UGGT2: variants seen among roughly 807,000 people sequenced by gnomAD.
The protein encoded by UGGT2 is UDP-glucose:glycoprotein glucosyltransferase 2.
In UGGT2, 180 loss-of-function variants were observed where a neutral mutation model predicts 192.1. The ratio of observed to expected loss-of-function variants is 0.94; its 90% CI spans 0.83 to 1.06. The LOEUF (loss-of-function observed/expected upper bound fraction) is 1.06. Ranked by LOEUF, UGGT2 falls within the 50% of genes least tolerant of loss-of-function variation. The pLI is 0.00. For synonymous variants in UGGT2, 580 were observed against 591.0 expected, an observed-to-expected ratio of 0.98 and a Z score of 0.27; for missense variants, 1,849 against 1,795.7, an observed-to-expected ratio of 1.03 and a Z score of -0.54.
chr13:95,986,186 T>C, intron 9 of UGGT2, 147 bp downstream of exon 9: 1 of 534,400 alleles, frequency 1.9e-6, no homozygotes, highest in Non-Finnish European at 3.2e-6. Flanking sequence ...AAAAAATATA[T>C]ATATATTGAA....
chr13:95,903,212 A>G, intron 20 of UGGT2, 152 bp from the exon 21 acceptor site: 1 of 621,472 alleles, frequency 1.6e-6, no homozygotes, highest in Non-Finnish European at 2.6e-6. Context: ...AATGTGATAT[A>G]CCACTGAAAA....
At chr13:95,979,923 C>G (rs9562006) in intron 10 of UGGT2, among the ~76,000 whole-genome samples, 53,072 of 151,994 alleles carry the variant, frequency 0.35, 9,653 homozygotes, top group Middle Eastern at 0.43. Context: ...CAGAGAAATG[C>G]AAATCAAAAC....
intron 36 of UGGT2, among the ~76,000 whole-genome samples, chr13:95,849,595 A>T (rs1032087836): frequency 4.6e-5 from 7 of 151,544 alleles, no homozygotes; most frequent in Non-Finnish European, 7.4e-5. Flanking sequence ...ATTTTTTATA[A>T]ATAACTTTCT....
chr13:95,995,292 A>G (rs553923597), intron 7 of UGGT2: 66 of 152,212 alleles, frequency 4.3e-4, no homozygotes, highest in African/African-American at 1.6e-3. Flanking sequence ...GCAATAATAG[A>G]CTGCCAATAG....
In UGGT2 at chr13:95,935,337, A is replaced by G. The variant is rs1202029515; in HGVS notation, c.1977+1587T>C. On this transcript the variant is annotated intron_variant, in intron 17 of 38. Coordinates refer to ENST00000376747, the MANE Select transcript of UGGT2 (RefSeq NM_020121.4). ...TTTTGTACCATTCTTCCATTCCCTT[A>G]AAGAGCTCTTGTAAGGCCCGTTTAG... 3.3e-5 allele frequency among the ~76,000 whole-genome samples: 5 copies of G among 152,162 alleles called. No individual in the cohort carries two copies. In the East Asian group the frequency reaches 9.6e-4, roughly 29 times the overall value.
In UGGT2 at chr13:95,854,561, A is replaced by G. The variant is rs376009574; in HGVS notation, c.4009-86T>C. The G allele has an allele frequency of 8.2e-6, 10 of 1,213,188 alleles. No individual in the cohort carries two copies. In the African/African-American group the frequency reaches 1.5e-4, roughly 19 times the overall value. The allele number at this position is 1,213,188 out of a possible 1,614,324, so 75.2% of individuals were successfully genotyped here. On this transcript the variant is annotated intron_variant, in intron 34 of 38. Transcript: ENST00000376747. Reference sequence around the variant, plus strand: ...GGGAATCTCAAATCATTATTACTCTACTACAGAAATCCAAAGAGCTGTATT... The same window carrying G: ...GGGAATCTCAAATCATTATTACTCTGCTACAGAAATCCAAAGAGCTGTATT...
intron 1 of UGGT2, 37 bp downstream of exon 1, chr13:96,053,118 C>T (rs1398238088): frequency 2.2e-5 from 32 of 1,442,212 alleles, no homozygotes; most frequent in South Asian, 2.8e-5. Flanking sequence ...GGCAGCGCGC[C>T]CACACCCGCC....
chr13:95,958,936 T>C (rs548617067), intron 12 of UGGT2, among the ~76,000 whole-genome samples: 1 of 152,296 alleles, frequency 6.6e-6, no homozygotes, highest in East Asian at 1.9e-4. Context: ...CTTATGGGCT[T>C]CTGAGACTAA....
At chr13:95,867,249 A>T in intron 30 of UGGT2, 90 bp downstream of exon 30, 1 of 1,146,598 alleles carries the variant, frequency 8.7e-7, no homozygotes, top group Non-Finnish European at 1.2e-6. Context: ...TTGTAAAGTT[A>T]ATTGTAAAAT....
At chr13:95,965,732 T>TA (rs1245315591) in intron 12 of UGGT2, among the ~76,000 whole-genome samples, 1 of 151,872 alleles carries the variant, frequency 6.6e-6, no homozygotes, top group Non-Finnish European at 1.5e-5. Context: ...CCCTAAAACT[T>TA]AAAAGTATAA....
chr13:95,901,459 C>T (rs1431331929), intron 21 of UGGT2, among the ~76,000 whole-genome samples: 3 of 152,080 alleles, frequency 2.0e-5, no homozygotes, highest in Admixed American at 1.3e-4. Context: ...AAACCACATA[C>T]ATGCTCATTG....
chr13:95,875,697 T>G (rs1891614558), intron 29 of UGGT2, among the ~76,000 whole-genome samples: 1 of 152,202 alleles, frequency 6.6e-6, no homozygotes. Flanking sequence ...ATCTCTAATG[T>G]CAATGCTGAC....
chr13:95,978,066 A>T (rs2774113), intron 10 of UGGT2, among the ~76,000 whole-genome samples: 53,105 of 151,940 alleles, frequency 0.35, 10,057 homozygotes, highest in East Asian at 0.45. Context: ...ACAAATACCT[A>T]AAGTATGCAG....
Position 95,954,354 on chromosome 13 carries a change from C to T in UGGT2, c.1336-4900G>A, listed in dbSNP as rs139432244. ...GTTAACCTGAAAAACTAGCTCAGGCCATGATGGGAAGGGGGAGTCAGACAG... is the reference window on the plus strand; with the variant it reads ...GTTAACCTGAAAAACTAGCTCAGGCTATGATGGGAAGGGGGAGTCAGACAG... On this transcript the variant is annotated intron_variant, in intron 12 of 38. Transcript: ENST00000376747. Among the ~76,000 whole-genome samples the T allele has an allele frequency of 6.9e-3, 1,044 of 152,286 alleles. 16 individuals are homozygous for T. Among genetic ancestry groups the T allele is most frequent in the African/African-American group, 0.024 (985 of 41,560 alleles).
At position 95,829,789 on chromosome 13, in the gene UGGT2, C is replaced by T. The variant is rs573914370; in HGVS notation, c.4528+3138G>A. Reference sequence around the variant, plus strand: ...CAGTGGAAAAAACTACTTTAAAGTTCATATGGAACCAAAAAACAGCCTGCA... The same window carrying T: ...CAGTGGAAAAAACTACTTTAAAGTTTATATGGAACCAAAAAACAGCCTGCA... On this transcript the variant is annotated intron_variant, in intron 38 of 38. Coordinates refer to ENST00000376747, the MANE Select transcript of UGGT2 (RefSeq NM_020121.4). 1.3e-4 allele frequency among the ~76,000 whole-genome samples: 20 copies of T among 151,844 alleles called. No individual in the cohort carries two copies. In the South Asian group the frequency reaches 3.9e-3, roughly 30 times the overall value.
intron 36 of UGGT2, 88 bp downstream of exon 36, chr13:95,853,455 A>C: frequency 1.9e-6 from 2 of 1,038,870 alleles, no homozygotes; most frequent in Non-Finnish European, 2.8e-6. Flanking sequence ...GAAAAAACTC[A>C]AAATATAAGA....
chr13:96,031,684 T>C (rs905581290), intron 2 of UGGT2, among the ~76,000 whole-genome samples: 1 of 152,190 alleles, frequency 6.6e-6, no homozygotes, highest in African/African-American at 2.4e-5. Flanking sequence ...ATATGAGGTA[T>C]CTTATAATAA....
chr13:95,848,210 A>G (rs147855552), intron 36 of UGGT2, among the ~76,000 whole-genome samples: 6 of 152,308 alleles, frequency 3.9e-5, no homozygotes, highest in African/African-American at 1.4e-4. Context: ...ACACTCCTTT[A>G]TCAGATGCAT....
intron 17 of UGGT2, among the ~76,000 whole-genome samples, chr13:95,927,541 TC>T (rs1359303403): frequency 6.6e-6 from 1 of 152,030 alleles, no homozygotes; most frequent in Non-Finnish European, 1.5e-5. Flanking sequence ...GTTGGCAATT[TC>T]ACTTCACAAC....
Sources: allele counts gnomAD v4.1 joint callset (sites outside exome capture counted in the v4.1 genomes callset), GRCh38; gene constraint gnomAD v4.1.1; transcripts MANE v1.5; gene names NCBI Gene and HGNC (gene_info 2026-07-23, HGNC 2026-07-21).